Variants in IL1RAPL2 observed in about 807,000 individuals in gnomAD.
IL1RAPL2 encodes the protein interleukin 1 receptor accessory protein like 2.
In IL1RAPL2, 3 loss-of-function variants were observed where a neutral mutation model predicts 44.1. The ratio of observed to expected loss-of-function variants is 0.07; its 90% CI spans 0.03 to 0.18. IL1RAPL2 has a LOEUF of 0.18. IL1RAPL2 is among the 10% of genes least tolerant of loss of function. The probability of loss-of-function intolerance (pLI) is 1.00; values close to 1 mark genes in which losing one functional copy is unlikely to be tolerated. For missense variants in IL1RAPL2, 391 were observed against 496.4 expected (o/e 0.79, Z 2.02); for synonymous variants, 181 against 178.8 (o/e 1.01, Z -0.10).
At chrX:105,233,010 C>T (rs990474800) in intron 3 of IL1RAPL2, among the ~76,000 whole-genome samples, 1 of 112,165 alleles carries the variant, frequency 8.9e-6, no homozygotes, top group Non-Finnish European at 1.9e-5. Flanking sequence ...AATAGTTGGC[C>T]AGGCGCCGTG....
chrX:105,170,956 T>C (rs1223873799), intron 2 of IL1RAPL2, among the ~76,000 whole-genome samples: 2 of 111,728 alleles, frequency 1.8e-5, no homozygotes, highest in Non-Finnish European at 3.8e-5. Flanking sequence ...CCCCCAATTA[T>C]GAAGGTAACA....
intron 2 of IL1RAPL2, among the ~76,000 whole-genome samples, chrX:104,691,424 G>T (rs181925343): frequency 1.8e-5 from 2 of 112,057 alleles, no homozygotes; most frequent in African/African-American, 6.5e-5. Flanking sequence ...ACATATGGCT[G>T]TTTTGGTTAA....
At chrX:104,949,406 GTC>G (rs1201143423) in intron 2 of IL1RAPL2, among the ~76,000 whole-genome samples, 17 of 109,509 alleles carry the variant, frequency 1.6e-4, no homozygotes, top group Non-Finnish European at 3.2e-4. Context: ...GGTTTTTTGT[GTC>G]TCTATTTCCT....
intron 2 of IL1RAPL2, among the ~76,000 whole-genome samples, chrX:105,067,942 G>A (rs774936793): frequency 2.7e-5 from 3 of 111,840 alleles, no homozygotes; most frequent in Non-Finnish European, 3.8e-5. Context: ...GAATACTGAG[G>A]AATACATGAA....
At chrX:104,638,750 A>C (rs890964814) in intron 1 of IL1RAPL2, among the ~76,000 whole-genome samples, 1 of 112,247 alleles carries the variant, frequency 8.9e-6, no homozygotes, top group Non-Finnish European at 1.9e-5. Context: ...TTTAAAAACA[A>C]TATGTTGAGA....
intron 2 of IL1RAPL2, among the ~76,000 whole-genome samples, chrX:104,746,476 C>T (rs5916826): frequency 0.34 from 37,354 of 110,374 alleles, 5,477 homozygotes; most frequent in East Asian, 0.46. Flanking sequence ...AAGGATTGAC[C>T]TCTGCAAATG....
At chrX:105,415,449 G>A (rs904797935) in intron 5 of IL1RAPL2, among the ~76,000 whole-genome samples, 1 of 111,785 alleles carries the variant, frequency 8.9e-6, no homozygotes, top group African/African-American at 3.2e-5. Flanking sequence ...TCTAGGTGAA[G>A]CTGTCCAGAG....
chrX:104,582,879 C>CTTTCT (rs1928438168), intron 1 of IL1RAPL2, among the ~76,000 whole-genome samples: 1 of 17,358 alleles, frequency 5.8e-5, no homozygotes, highest in African/African-American at 3.2e-4. Context: ...TTTTTCTTTT[C>CTTTCT]TTTTCTTTTC....
At chrX:104,938,615 T>C (rs951766032) in intron 2 of IL1RAPL2, among the ~76,000 whole-genome samples, 2 of 111,037 alleles carry the variant, frequency 1.8e-5, no homozygotes, top group Non-Finnish European at 3.8e-5. Flanking sequence ...CCCTTTTGTT[T>C]TCTGCTCTAG....
At chrX:104,740,124 A>G (rs937089480) in intron 2 of IL1RAPL2, among the ~76,000 whole-genome samples, 3 of 111,482 alleles carry the variant, frequency 2.7e-5, no homozygotes, top group South Asian at 3.8e-4. Flanking sequence ...CCCTCGATCA[A>G]TAAGACCAGT....
intron 8 of IL1RAPL2, among the ~76,000 whole-genome samples, chrX:105,745,919 G>A (rs904390140): frequency 1.8e-5 from 2 of 111,840 alleles, no homozygotes; most frequent in Non-Finnish European, 3.8e-5. Flanking sequence ...CTGGCTTCAA[G>A]CGACCCTCCT....
At chrX:105,492,530 A>T (rs1569447474) in intron 6 of IL1RAPL2, among the ~76,000 whole-genome samples, 1 of 109,936 alleles carries the variant, frequency 9.1e-6, no homozygotes. Context: ...TAAGAATAGC[A>T]ATTATTATTA....
intron 6 of IL1RAPL2, among the ~76,000 whole-genome samples, chrX:105,646,343 AG>A (rs777913687): frequency 6.1e-4 from 68 of 111,932 alleles, no homozygotes; most frequent in Non-Finnish European, 1.1e-3. Context: ...GGAAGGGCAA[AG>A]GCTTATAATT....
At chrX:105,633,744 C>A (rs916534605) in intron 6 of IL1RAPL2, among the ~76,000 whole-genome samples, 1 of 111,165 alleles carries the variant, frequency 9.0e-6, no homozygotes, top group Non-Finnish European at 1.9e-5. Context: ...TATATACACA[C>A]ACTCATGCAC....
At chrX:105,502,580 A>C (rs2036403156) in intron 6 of IL1RAPL2, among the ~76,000 whole-genome samples, 1 of 111,588 alleles carries the variant, frequency 9.0e-6, no homozygotes, top group Admixed American at 9.5e-5. Context: ...AGATTGTGTG[A>C]GCTTATTCAG....
At chrX:104,771,438 C>T (rs777477332) in intron 2 of IL1RAPL2, among the ~76,000 whole-genome samples, 2 of 112,090 alleles carry the variant, frequency 1.8e-5, no homozygotes, top group African/African-American at 3.2e-5. Flanking sequence ...GTATCTTTTT[C>T]AAAAAAATCC....
chrX:105,756,077 C>T (rs1198365356), intron 10 of IL1RAPL2, among the ~76,000 whole-genome samples: 2 of 111,490 alleles, frequency 1.8e-5, no homozygotes, highest in African/African-American at 3.3e-5. Context: ...CTTAAAATGC[C>T]ATTGAGGAAA....
At chrX:104,633,387 T>C (rs867169735) in intron 1 of IL1RAPL2, among the ~76,000 whole-genome samples, 8 of 111,904 alleles carry the variant, frequency 7.1e-5, no homozygotes, top group African/African-American at 1.9e-4. Flanking sequence ...CCTCTTTTTC[T>C]ATTGATTGGA....
intron 1 of IL1RAPL2, among the ~76,000 whole-genome samples, chrX:104,592,358 T>A (rs758577999): frequency 9.0e-6 from 1 of 110,576 alleles, no homozygotes; most frequent in East Asian, 2.9e-4. Context: ...ATTGTGCTTA[T>A]CAGTTGCCTG....
Sources: gnomAD v4.1 joint callset for allele counts (sites outside exome capture counted in the v4.1 genomes callset) on GRCh38, gnomAD v4.1.1 for gene constraint, MANE v1.5 for transcripts, NCBI Gene and HGNC (gene_info 2026-07-23, HGNC 2026-07-21) for gene names.